Variants in PCDHGB2 observed in about 807,000 individuals in gnomAD.
The protein encoded by PCDHGB2 is protocadherin gamma-B2.
A neutral mutation model predicts 59.3 loss-of-function variants in PCDHGB2; 55 were observed. The ratio of observed to expected loss-of-function variants is 0.93; its 90% CI spans 0.75 to 1.16. The LOEUF is 1.16. Among genes scored for constraint, PCDHGB2 ranks in the 50% most tolerant of loss-of-function variants. The pLI is 0.00. For synonymous variants in PCDHGB2, 516 were observed against 512.0 expected, an observed-to-expected ratio of 1.01 and a Z score of -0.11; for missense variants, 1,228 against 1,198.5, an observed-to-expected ratio of 1.02 and a Z score of -0.36.
At chr5:141,507,349 A>G (rs537480798) in intron 3 of PCDHGB2, 1 of 152,236 alleles carries the variant, frequency 6.6e-6, no homozygotes, top group African/African-American at 2.4e-5. Flanking sequence ...CTGAAATTCA[A>G]ATTTAACTGG....
At chr5:141,422,488 A>G in intron 1 of PCDHGB2, 1 of 1,614,000 alleles carries the variant, frequency 6.2e-7, no homozygotes, top group Non-Finnish European at 8.5e-7. Context: ...GAGCTACAAT[A>G]TAACGTTGAC....
At chr5:141,505,348 G>A (rs1414647950) in intron 2 of PCDHGB2, 45 bp from the exon 3 acceptor site, 1 of 1,613,358 alleles carries the variant, frequency 6.2e-7, no homozygotes, top group Admixed American at 1.7e-5. Context: ...GGCATGAGCT[G>A]TGCCGGCCTG....
intron 1 of PCDHGB2, among the ~76,000 whole-genome samples, chr5:141,480,451 T>G (rs2099519323): frequency 6.6e-6 from 1 of 152,136 alleles, no homozygotes; most frequent in African/African-American, 2.4e-5. Flanking sequence ...ATAATTATTT[T>G]TATTAGTTCC....
intron 1 of PCDHGB2, chr5:141,374,535 G>A (rs752542327): frequency 1.9e-6 from 3 of 1,613,092 alleles, no homozygotes; most frequent in South Asian, 2.2e-5. Flanking sequence ...CCATCCTCTC[G>A]TTTTCCACTA....
In PCDHGB2 at chr5:141,361,682, C is replaced by A. The variant is rs767724401; in HGVS notation, c.1547C>A (p.Ala516Glu). 6.2e-7 allele frequency: 1 copy of A among 1,613,466 alleles called. No homozygotes were observed. Among genetic ancestry groups the A allele is most frequent in the African/African-American group, 1.3e-5 (1 of 74,956 alleles). ...AGCGCGCAGAGCGGGGTGGTGTTCG[C>A]GCAGCGCGCCTTCGATCATGAGCAG... ...SVSAQSGVVF[A>E]QRAFDHEQLR... Residue 516 changes from alanine (A) to glutamate (E), a missense_variant, in exon 1 of 4, where the codon GCG (alanine) becomes GAG (glutamate). Physicochemically the swap from Ala to Glu is moderately radical, Grantham distance 107 (BLOSUM62 -1). This residue lies in a region of PCDHGB2 where 781 missense variants were observed against 721.6 expected (regional missense o/e 1.08). Transcript: ENST00000522605.
chr5:141,473,004 AAAAG>A (rs1215989598), intron 1 of PCDHGB2, among the ~76,000 whole-genome samples: 5 of 151,730 alleles, frequency 3.3e-5, no homozygotes, highest in Non-Finnish European at 7.4e-5. Context: ...AAAAGAAAGA[AAAAG>A]AAAAAGAAAG....
chr5:141,415,078 GC>G (rs2095826068), intron 1 of PCDHGB2: 1 of 1,613,376 alleles, frequency 6.2e-7, no homozygotes, highest in Non-Finnish European at 8.5e-7. Flanking sequence ...CACGGCGCGA[GC>G]CCTGCTGGAC....
chr5:141,447,298 C>T lies in PCDHGB2; in HGVS notation c.2422-47509C>T, dbSNP rs187482431. 1.7e-3 allele frequency among the ~76,000 whole-genome samples: 260 copies of T among 152,214 alleles called. 2 individuals carry two copies. Among genetic ancestry groups the T allele is most frequent in the African/African-American group, 5.8e-3 (239 of 41,534 alleles). ...GGGACTACAGGCACATGCCACCACA[C>T]CCGGCTAATTTTTGTATTTTTAGTA... On this transcript the variant is annotated intron_variant, in intron 1 of 3. Coordinates refer to ENST00000522605, the MANE Select transcript of PCDHGB2 (RefSeq NM_018923.3).
rs749252261 is a variant in PCDHGB2 at position 141,366,393 on chromosome 5, A to C, written c.2421+3837A>C. ...ACCCCCATTGACCCTGAGGATCTGG[A>C]CCTCACACTCTATCTTGTGGTGGCA... On this transcript the variant is annotated intron_variant, in intron 1 of 3. Transcript: ENST00000522605. 11 of 1,614,004 alleles carry C rather than the reference A, an allele frequency of 6.8e-6. 1 individual carries two copies. Among genetic ancestry groups the C allele is most frequent in the African/African-American group, 4.0e-5 (3 of 74,938 alleles).
At chr5:141,387,237 G>A (rs1273049599) in intron 1 of PCDHGB2, among the ~76,000 whole-genome samples, 2 of 152,168 alleles carry the variant, frequency 1.3e-5, no homozygotes, top group African/African-American at 4.8e-5. Flanking sequence ...AAATCAACTT[G>A]GAGGTACTTA....
intron 1 of PCDHGB2, among the ~76,000 whole-genome samples, chr5:141,449,134 T>C (rs538592980): frequency 9.2e-4 from 140 of 152,242 alleles, no homozygotes; most frequent in Non-Finnish European, 1.8e-3. Context: ...AGAAATGGAA[T>C]TGAAATTGCT....
chr5:141,461,303 G>T (rs1390421489), intron 1 of PCDHGB2, among the ~76,000 whole-genome samples: 2 of 152,074 alleles, frequency 1.3e-5, no homozygotes, highest in Non-Finnish European at 2.9e-5. Flanking sequence ...AACATCTATT[G>T]TTTTTTGACT....
chr5:141,375,818 C>A, intron 1 of PCDHGB2: 2 of 1,614,200 alleles, frequency 1.2e-6, no homozygotes, highest in Non-Finnish European at 1.7e-6. Flanking sequence ...GGAGCTGGCG[C>A]CCCGCTCCGC....
chr5:141,487,826 T>C lies in PCDHGB2; in HGVS notation c.2422-6981T>C, dbSNP rs1321152837. 24 of 1,187,814 alleles carry C rather than the reference T, an allele frequency of 2.0e-5. No homozygotes were observed. The highest frequency in any genetic ancestry group is 2.8e-5 in the Non-Finnish European group (24 of 856,356). The allele number at this position is 1,187,814 out of a possible 1,614,324, so 73.6% of individuals were successfully genotyped here. On this transcript the variant is annotated intron_variant, in intron 1 of 3. Coordinates refer to ENST00000522605, the MANE Select transcript of PCDHGB2 (RefSeq NM_018923.3). The surrounding 1 kb of genome is among the most constrained non-coding windows in gnomAD (Gnocchi z 5.0). ...ACAGTTTAGCATTGGGGGCGGGTCA[T>C]GCCTATATCTGAGTAAGAAATGAAA... is the stretch of plus-strand genomic sequence containing the variant.
At position 141,390,471 on chromosome 5, in the gene PCDHGB2, G is replaced by C. The variant is rs969771801; in HGVS notation, c.2421+27915G>C. The C allele has an allele frequency of 7.2e-6, 5 of 697,624 alleles. No homozygotes were observed. The African/African-American group carries it at 9.0e-5, about 13-fold the overall frequency. The allele number at this position is 697,624 out of a possible 1,614,324, so 43.2% of individuals were successfully genotyped here. On this transcript the variant is annotated intron_variant, in intron 1 of 3. Coordinates refer to ENST00000522605, the MANE Select transcript of PCDHGB2 (RefSeq NM_018923.3). ...GGAGTAAAGTAGGAGCAATTGTGTG[G>C]CCCAACATTTGTTTGTTTTTTAGCC... is the stretch of plus-strand genomic sequence containing the variant.
chr5:141,371,018 C>T (rs750315441), intron 1 of PCDHGB2: 17 of 1,613,876 alleles, frequency 1.1e-5, no homozygotes, highest in Non-Finnish European at 1.3e-5. Flanking sequence ...AGCCACATCA[C>T]CACCTGGTCC....
At chr5:141,372,976 A>G (rs1223476542) in intron 1 of PCDHGB2, 1 of 663,898 alleles carries the variant, frequency 1.5e-6, no homozygotes, top group Non-Finnish European at 2.5e-6. Context: ...CCTGTAGAAT[A>G]TCTGTGTTGC....
Position 141,362,058 on chromosome 5 carries a change from C to G in PCDHGB2, c.1923C>G (p.Arg641=). ...GCGACAGGGACGCGGCCCGCCAGCG[C>G]CTGCTGGTCGCTGTGCGTGATGGAG... ...ALGDRDAARQ[R]LLVAVRDGGQ... The change falls in exon 1 of 4, where the codon CGC becomes CGG. Residue 641 remains arginine, a synonymous_variant. Transcript: ENST00000522605. The G allele has an allele frequency of 6.2e-7, 1 of 1,612,152 alleles. No individual in the cohort carries two copies.
chr5:141,414,615 G>T, intron 1 of PCDHGB2: 1 of 1,613,962 alleles, frequency 6.2e-7, no homozygotes, highest in Non-Finnish European at 8.5e-7. Flanking sequence ...CAGTGACAGC[G>T]CTGGACCCGG....
Sources: allele counts gnomAD v4.1 joint callset (sites outside exome capture counted in the v4.1 genomes callset), GRCh38; gene constraint gnomAD v4.1.1; regional missense constraint gnomAD v4.1.1; non-coding constraint Gnocchi (gnomAD v3.1); transcripts MANE v1.5; gene names NCBI Gene and HGNC (gene_info 2026-07-23, HGNC 2026-07-21).